The following CDH12 variants were observed in gnomAD, a reference collection of about 807,000 sequenced individuals.
The protein encoded by CDH12 is cadherin-12.
CDH12 carries 41 observed loss-of-function variants against 74.1 expected under a neutral mutation model. The ratio of observed to expected loss-of-function variants is 0.55; its 90% CI spans 0.43 to 0.72. The LOEUF is 0.72. CDH12 is among the 30% of genes least tolerant of loss of function. The probability of loss-of-function intolerance (pLI) is 0.00; values close to 1 mark genes in which losing one functional copy is unlikely to be tolerated. For synonymous variants in CDH12, 399 were observed against 355.0 expected (o/e 1.12, Z -1.39); for missense variants, 945 against 977.2 (o/e 0.97, Z 0.44).
intron 1 of CDH12, among the ~76,000 whole-genome samples, chr5:22,609,928 A>C (rs1239985949): frequency 6.6e-6 from 1 of 152,236 alleles, no homozygotes; most frequent in Non-Finnish European, 1.5e-5. Flanking sequence ...AAACTGATTA[A>C]CACATTAGTG....
chr5:22,310,462 CA>C (rs33959662), intron 3 of CDH12, among the ~76,000 whole-genome samples: 119 of 138,762 alleles, frequency 8.6e-4, no homozygotes, highest in Middle Eastern at 3.7e-3. Context: ...GACTCTGTCT[CA>C]AAAAAAAAAA....
At chr5:22,214,606 T>C (rs578090279) in intron 3 of CDH12, among the ~76,000 whole-genome samples, 41 of 152,330 alleles carry the variant, frequency 2.7e-4, no homozygotes, top group Admixed American at 9.2e-4. Context: ...GTTTCTCGTA[T>C]TGGTCTAAGT....
intron 4 of CDH12, among the ~76,000 whole-genome samples, chr5:22,156,896 A>G (rs1580337516): frequency 6.6e-6 from 1 of 152,146 alleles, no homozygotes; most frequent in Non-Finnish European, 1.5e-5. Context: ...AATTTTACCC[A>G]CTGTGACCCT....
At chr5:22,851,608 T>C (rs906443146) in intron 1 of CDH12, among the ~76,000 whole-genome samples, 1 of 152,136 alleles carries the variant, frequency 6.6e-6, no homozygotes, top group African/African-American at 2.4e-5. Flanking sequence ...TGTTGCTGAA[T>C]AACTCGATGT....
chr5:22,644,141 T>G (rs746008573), intron 1 of CDH12, among the ~76,000 whole-genome samples: 5 of 152,058 alleles, frequency 3.3e-5, no homozygotes, highest in Non-Finnish European at 7.4e-5. Flanking sequence ...TTAAATGGCC[T>G]TTACATGTTC....
chr5:22,023,598 C>T (rs1358405413), intron 5 of CDH12, among the ~76,000 whole-genome samples: 1 of 151,706 alleles, frequency 6.6e-6, no homozygotes, highest in Non-Finnish European at 1.5e-5. Context: ...TATATACACA[C>T]ACACAAATTT....
At chr5:22,599,754 TTATGTA>T (rs1736766626) in intron 1 of CDH12, among the ~76,000 whole-genome samples, 3 of 152,152 alleles carry the variant, frequency 2.0e-5, no homozygotes, top group African/African-American at 7.2e-5. Flanking sequence ...ATATACTTAT[TTATGTA>T]TCAAATTGAA....
chr5:22,242,325 G>A lies in CDH12; in HGVS notation c.-332-29682C>T, dbSNP rs539474181. 5.3e-5 allele frequency among the ~76,000 whole-genome samples: 8 copies of A among 152,144 alleles called. No individual in the cohort carries two copies. The South Asian group carries it at 8.3e-4, about 16-fold the overall frequency. Reference sequence around the variant, plus strand: ...GATTCTCAGATACAGATATGAATGCGTTTGTTAATTTTAAAATGACACTTC... The same window carrying A: ...GATTCTCAGATACAGATATGAATGCATTTGTTAATTTTAAAATGACACTTC... On this transcript the variant is annotated intron_variant, in intron 3 of 14. Coordinates refer to ENST00000382254, the MANE Select transcript of CDH12 (RefSeq NM_004061.5).
rs986485511 is a variant in CDH12, at chr5:21,750,946, CT to C, written c.*790del. On this transcript the variant is annotated 3_prime_UTR_variant, in exon 15 of 15. Coordinates refer to ENST00000382254, the MANE Select transcript of CDH12 (RefSeq NM_004061.5). ...CTCTTTATAAAGAGGAATATTTTTT[CT>C]TTTTTTTCTTTCTTTTTTTTTTGGA... 3.2e-4 allele frequency: 48 copies of C among 150,406 alleles called. No individual in the cohort carries two copies. The highest frequency in any genetic ancestry group is 3.0e-3 in the Admixed American group (46 of 15,116). The allele number at this position is 150,406 out of a possible 1,614,324, so 9.3% of individuals were successfully genotyped here.
intron 1 of CDH12, among the ~76,000 whole-genome samples, chr5:22,531,747 G>A (rs1426853868): frequency 6.6e-6 from 1 of 152,062 alleles, no homozygotes; most frequent in Non-Finnish European, 1.5e-5. Flanking sequence ...CTCAAAAATG[G>A]AGGCAACTGG....
intron 6 of CDH12, among the ~76,000 whole-genome samples, chr5:21,967,813 C>T (rs911897396): frequency 4.6e-5 from 7 of 152,142 alleles, no homozygotes; most frequent in Non-Finnish European, 8.8e-5. Context: ...TCCTATGGCC[C>T]TGAAAATAGT....
At chr5:22,651,312 C>T (rs921086500) in intron 1 of CDH12, among the ~76,000 whole-genome samples, 1 of 152,060 alleles carries the variant, frequency 6.6e-6, no homozygotes, top group Non-Finnish European at 1.5e-5. Context: ...CATTTTCACA[C>T]TGCTCTAAAG....
At chr5:21,992,096 A>G (rs1397690463) in intron 5 of CDH12, among the ~76,000 whole-genome samples, 3 of 152,074 alleles carry the variant, frequency 2.0e-5, no homozygotes, top group Non-Finnish European at 4.4e-5. Context: ...TAAAGCTCTC[A>G]TTATAAACAC....
At chr5:21,775,767 C>T (rs1745553222) in intron 11 of CDH12, among the ~76,000 whole-genome samples, 1 of 151,856 alleles carries the variant, frequency 6.6e-6, no homozygotes, top group African/African-American at 2.4e-5. Flanking sequence ...TCTGGGAGCA[C>T]TCTGAATTTT....
intron 1 of CDH12, among the ~76,000 whole-genome samples, chr5:22,736,174 T>A (rs1378299066): frequency 6.6e-6 from 1 of 151,836 alleles, no homozygotes; most frequent in Admixed American, 6.6e-5. Context: ...ATAAAAACAT[T>A]TGTTATTTCC....
Position 22,659,839 on chromosome 5 carries a change from T to A in CDH12, c.-522-154475A>T, listed in dbSNP as rs1474818548. 2.0e-5 allele frequency among the ~76,000 whole-genome samples: 3 copies of A among 152,126 alleles called. No homozygotes were observed. In the East Asian group the frequency reaches 5.8e-4, roughly 29 times the overall value. On this transcript the variant is annotated intron_variant, in intron 1 of 14. Coordinates refer to ENST00000382254, the MANE Select transcript of CDH12 (RefSeq NM_004061.5). ...TTTTTCTCTTTTATTTCTAAGTATT[T>A]CAATGAATTTTCTAAAAATAGAATT...
chr5:22,571,004 A>C (rs1739516328), intron 1 of CDH12, among the ~76,000 whole-genome samples: 1 of 152,184 alleles, frequency 6.6e-6, no homozygotes. Context: ...TTGTAAGCCA[A>C]ACTGTTAGTT....
intron 5 of CDH12, among the ~76,000 whole-genome samples, chr5:22,046,590 T>G (rs979790583): frequency 6.6e-6 from 1 of 152,024 alleles, no homozygotes; most frequent in Admixed American, 6.5e-5. Flanking sequence ...GTTGTTTTTC[T>G]TAATCTATAA....
At chr5:22,080,496 G>GT (rs1310287123) in intron 4 of CDH12, among the ~76,000 whole-genome samples, 1 of 152,024 alleles carries the variant, frequency 6.6e-6, no homozygotes, top group Non-Finnish European at 1.5e-5. Flanking sequence ...AAAACCGTAA[G>GT]TTGTCTTTTT....
Sources: gnomAD v4.1 joint callset for allele counts (sites outside exome capture counted in the v4.1 genomes callset) on GRCh38, gnomAD v4.1.1 for gene constraint, MANE v1.5 for transcripts, NCBI Gene and HGNC (gene_info 2026-07-23, HGNC 2026-07-21) for gene names.